The following ERI1 variants were observed in gnomAD, a reference collection of about 807,000 sequenced individuals.
The protein encoded by ERI1 is exoribonuclease 1.
ERI1 carries 39 observed loss-of-function variants against 39.7 expected under a neutral mutation model. That is an observed-to-expected ratio of 0.98 (90% CI 0.76 to 1.28). The LOEUF is 1.28. ERI1 is among the 50% of genes most tolerant of loss of function. The pLI is 0.00. For synonymous variants in ERI1, 204 were observed against 149.6 expected, an observed-to-expected ratio of 1.36 and a Z score of -2.65; for missense variants, 581 against 416.9, an observed-to-expected ratio of 1.39 and a Z score of -3.43.
Position 9,020,420 on chromosome 8 carries a change from A to T in ERI1, c.763A>T (p.Lys255Ter). 1 of 1,607,820 alleles carries T rather than the reference A, an allele frequency of 6.2e-7. No individual in the cohort carries two copies. Among genetic ancestry groups the T allele is most frequent in the Non-Finnish European group, 8.5e-7 (1 of 1,177,492 alleles). The change falls in exon 6 of 7, where the codon AAA (lysine) becomes TAA (stop). Residue 255 changes from lysine to a stop codon, truncating the protein, a stop_gained. Transcript: ENST00000250263. LOFTEE classifies it high-confidence loss of function. ...CAGGCTCAAATACCCTCCTTTTGCG[A>T]AAAAGTGGATCAATATTCGGAAGTC... is the stretch of plus-strand genomic sequence containing the variant. ...LSRLKYPPFAKKWINIRKSYG... is the reference protein window; with the variant it reads ...LSRLKYPPFA
downstream of ERI1, among the ~76,000 whole-genome samples, chr8:9,035,816 C>T (rs1009137689): frequency 6.6e-6 from 1 of 152,196 alleles, no homozygotes; most frequent in Non-Finnish European, 1.5e-5. Context: ...TGAAAACCTT[C>T]TGGAAAGGAT....
At chr8:9,016,875 C>G (rs1817353065) in intron 4 of ERI1, among the ~76,000 whole-genome samples, 1 of 151,752 alleles carries the variant, frequency 6.6e-6, no homozygotes, top group African/African-American at 2.4e-5. Flanking sequence ...TTAGTAGAGA[C>G]CTGGTTTCGC....
At chr8:9,077,363 A>G (rs946601071) in intron 3 of ERI1, among the ~76,000 whole-genome samples, 5 of 152,204 alleles carry the variant, frequency 3.3e-5, no homozygotes, top group Non-Finnish European at 7.3e-5. Flanking sequence ...TGAAGGTTCA[A>G]TAATTTGAGT....
intron 3 of ERI1, among the ~76,000 whole-genome samples, chr8:9,064,646 C>G (rs1798810649): frequency 6.6e-6 from 1 of 152,030 alleles, no homozygotes; most frequent in African/African-American, 2.4e-5. Context: ...GGCTGCTTAC[C>G]CAATTTAAAA....
chr8:9,023,793 CTTTTTTTTT>C (rs3083379), intron 6 of ERI1, among the ~76,000 whole-genome samples: 1 of 80,532 alleles, frequency 1.2e-5, no homozygotes, highest in Admixed American at 2.0e-4. Context: ...GTAAAAATGA[CTTTTTTTTT>C]TTTTTTTTTT....
At chr8:9,008,789 G>C (rs959713557) in intron 2 of ERI1, among the ~76,000 whole-genome samples, 1 of 152,034 alleles carries the variant, frequency 6.6e-6, no homozygotes, top group Non-Finnish European at 1.5e-5. Flanking sequence ...AAAATACATC[G>C]ATTTTTGATA....
intron 3 of ERI1, among the ~76,000 whole-genome samples, chr8:9,084,948 A>G (rs143537449): frequency 6.6e-6 from 1 of 152,304 alleles, no homozygotes; most frequent in Non-Finnish European, 1.5e-5. Flanking sequence ...ACCACCTTAT[A>G]GCAGTCGTTT....
chr8:9,044,296 C>G (rs1798111096), intron 3 of ERI1, among the ~76,000 whole-genome samples: 2 of 152,188 alleles, frequency 1.3e-5, no homozygotes, highest in South Asian at 4.1e-4. Flanking sequence ...TACATTTTCT[C>G]TGATTAGCGG....
At chr8:9,051,023 G>A (rs1798339439) in intron 3 of ERI1, among the ~76,000 whole-genome samples, 1 of 151,826 alleles carries the variant, frequency 6.6e-6, no homozygotes, top group Admixed American at 6.6e-5. Flanking sequence ...TCTTTATTCT[G>A]GACTTTAAAA....
At chr8:9,048,276 G>GT (rs11433078) in intron 3 of ERI1, among the ~76,000 whole-genome samples, 61,749 of 151,844 alleles carry the variant, frequency 0.41, 14,893 homozygotes, top group East Asian at 0.7. Context: ...ATAGGGATTT[G>GT]TTTTTTTTAA....
At chr8:9,007,940 T>C (rs1453915725) in intron 1 of ERI1, 30 bp from the exon 2 acceptor site, 3 of 474,874 alleles carry the variant, frequency 6.3e-6, no homozygotes, top group Non-Finnish European at 8.1e-6. Flanking sequence ...ACATCCTTTT[T>C]TTTTTTTTTT....
intron 6 of ERI1, among the ~76,000 whole-genome samples, chr8:9,026,873 C>T (rs1349288064): frequency 6.6e-6 from 1 of 151,446 alleles, no homozygotes; most frequent in Admixed American, 6.6e-5. Context: ...AAAAAAAAAT[C>T]CATTGATTGT....
chr8:9,025,031 T>C (rs1429391746), intron 6 of ERI1, among the ~76,000 whole-genome samples: 1 of 152,166 alleles, frequency 6.6e-6, no homozygotes, highest in African/African-American at 2.4e-5. Flanking sequence ...TTTGCAGAAA[T>C]CCACAACTTT....
intron 3 of ERI1, among the ~76,000 whole-genome samples, chr8:9,093,739 T>G (rs1799784932): frequency 6.6e-6 from 1 of 152,060 alleles, no homozygotes; most frequent in Admixed American, 6.6e-5. Context: ...AGCTAATTTT[T>G]TTTTGTTTTG....
intron 6 of ERI1, among the ~76,000 whole-genome samples, chr8:9,023,095 G>C (rs1180046502): frequency 6.6e-6 from 1 of 152,100 alleles, no homozygotes; most frequent in Non-Finnish European, 1.5e-5. Context: ...CAGATTTGTA[G>C]TTGGTTAATA....
chr8:9,054,174 T>C (rs1020136181), intron 3 of ERI1, among the ~76,000 whole-genome samples: 1 of 152,202 alleles, frequency 6.6e-6, no homozygotes, highest in African/African-American at 2.4e-5. Flanking sequence ...GTGATATAAA[T>C]TGTAGTGGGA....
chr8:9,064,100 G>T (rs1479713187), intron 3 of ERI1, among the ~76,000 whole-genome samples: 2 of 151,866 alleles, frequency 1.3e-5, no homozygotes, highest in African/African-American at 2.4e-5. Flanking sequence ...AGGGGTCAGG[G>T]TGCAGAGATA....
chr8:9,098,259 C>T (rs1175767130), intron 3 of ERI1, among the ~76,000 whole-genome samples: 1 of 152,218 alleles, frequency 6.6e-6, no homozygotes, highest in Non-Finnish European at 1.5e-5. Flanking sequence ...GTGGCTCACG[C>T]CTGTAATCCC....
chr8:9,056,415 C>T (rs555003137), intron 3 of ERI1, among the ~76,000 whole-genome samples: 5 of 152,320 alleles, frequency 3.3e-5, no homozygotes, highest in South Asian at 4.1e-4. Flanking sequence ...AAAACAGAAT[C>T]GAGTTGATGA....
Sources: gnomAD v4.1 joint callset for allele counts (sites outside exome capture counted in the v4.1 genomes callset) on GRCh38, gnomAD v4.1.1 for gene constraint, MANE v1.5 for transcripts, NCBI Gene and HGNC (gene_info 2026-07-23, HGNC 2026-07-21) for gene names.